Variants in PURG observed in about 807,000 individuals in gnomAD.
PURG encodes the protein purine rich element binding protein G.
In PURG, 3 loss-of-function variants were observed where a neutral mutation model predicts 24.3. The ratio of observed to expected loss-of-function variants is 0.12; its 90% confidence interval spans 0.06 to 0.32. The LOEUF (loss-of-function observed/expected upper bound fraction) is 0.32, where lower values mean the gene tolerates loss of function less well. Among genes scored for constraint, PURG ranks in the 10% least tolerant of loss-of-function variants. The probability of loss-of-function intolerance (pLI) is 1.00; values close to 1 mark genes in which losing one functional copy is unlikely to be tolerated. For missense variants in PURG, 371 were observed against 439.1 expected (o/e 0.84, Z 1.39); for synonymous variants, 180 against 173.1 (o/e 1.04, Z -0.31).
exon 2 of PURG, chr8:30,996,582 A>G (rs1290042325): frequency 1.9e-6 from 3 of 1,576,160 alleles, no homozygotes. Flanking sequence ...GTAACATAAG[A>G]GATTTATTCC....
downstream of PURG, among the ~76,000 whole-genome samples, chr8:31,026,105 T>G (rs1320846443): frequency 1.3e-5 from 2 of 151,996 alleles, no homozygotes; most frequent in African/African-American, 4.8e-5. Flanking sequence ...AATATACCTT[T>G]TTACTATAGT....
chr8:30,996,355 A>C (rs1810427465), exon 2 of PURG: 1 of 313,040 alleles, frequency 3.2e-6, no homozygotes, highest in South Asian at 8.4e-5. Context: ...TGAAAACGAA[A>C]GGCTTGATGA....
At chr8:31,027,621 G>A (rs1811114578), downstream of PURG, among the ~76,000 whole-genome samples, 2 of 151,550 alleles carry the variant, frequency 1.3e-5, no homozygotes, top group Non-Finnish European at 1.5e-5. Context: ...GAAAATATTT[G>A]CAAAATTACA....
chr8:30,996,224 G>C (rs1810425054), exon 2 of PURG: 1 of 164,224 alleles, frequency 6.1e-6, no homozygotes, highest in Admixed American at 5.8e-5. Context: ...AAGAGGCAGT[G>C]GGTTGAAATT....
intron 1 of PURG, among the ~76,000 whole-genome samples, chr8:31,020,105 A>T: frequency 6.6e-6 from 1 of 152,140 alleles, no homozygotes; most frequent in South Asian, 2.1e-4. Flanking sequence ...TGGGAGGCAG[A>T]GTTTGAAGAC....
At chr8:31,003,318 G>A (rs1810576384) in intron 1 of PURG, among the ~76,000 whole-genome samples, 2 of 152,128 alleles carry the variant, frequency 1.3e-5, no homozygotes. Flanking sequence ...TCAAGAACGG[G>A]AATAATCTGA....
At chr8:31,029,634 T>C (rs535623367), downstream of PURG, among the ~76,000 whole-genome samples, 12 of 151,844 alleles carry the variant, frequency 7.9e-5, no homozygotes, top group African/African-American at 2.7e-4. Context: ...AGAGAGTGTA[T>C]ACACTCATAG....
intron 1 of PURG, among the ~76,000 whole-genome samples, chr8:31,015,027 T>A (rs1456365046): frequency 2.6e-5 from 4 of 152,248 alleles, no homozygotes; most frequent in Non-Finnish European, 5.9e-5. Context: ...ATACAGGAGA[T>A]AAGCTTTATA....
chr8:31,015,068 C>T (rs181597113), intron 1 of PURG, among the ~76,000 whole-genome samples: 1 of 152,208 alleles, frequency 6.6e-6, no homozygotes, highest in Admixed American at 6.5e-5. Context: ...TAACTGTAAA[C>T]CCATTATGGA....
intron 1 of PURG, among the ~76,000 whole-genome samples, chr8:31,018,455 A>C (rs1366278867): frequency 2.0e-5 from 3 of 152,202 alleles, no homozygotes; most frequent in Admixed American, 2.0e-4. Context: ...GCAATCCTTA[A>C]AGTTTGCCCT....
At chr8:31,003,080 A>G (rs1256381670) in intron 1 of PURG, among the ~76,000 whole-genome samples, 1 of 152,184 alleles carries the variant, frequency 6.6e-6, no homozygotes, top group Non-Finnish European at 1.5e-5. Flanking sequence ...TGGTAATTCA[A>G]ATGTAACTGC....
At position 31,016,579 on chromosome 8, in the gene PURG, ACC is replaced by A. The variant is rs1450945431; in HGVS notation, c.864+15338_864+15339del. Reference sequence around the variant, plus strand: ...AAGAAAGAATGCAAGTCTACCAAGAACCAAAAAAAAAAAAAAAAAAAAAAAAA... The same window carrying A: ...AAGAAAGAATGCAAGTCTACCAAGAAAAAAAAAAAAAAAAAAAAAAAAAAA... On this transcript the variant is annotated intron_variant, in intron 1 of 1. Coordinates refer to the PURG transcript ENST00000339382. Among the ~76,000 whole-genome samples, 28 of 118,470 alleles carry A rather than the reference ACC, an allele frequency of 2.4e-4. 3 individuals are homozygous for A. The highest frequency in any genetic ancestry group is 3.8e-4 in the African/African-American group (12 of 31,932). The allele number at this position is 118,470 out of a possible 152,430, so 77.7% of individuals were successfully genotyped here.
At chr8:31,011,242 T>C (rs1187391384) in intron 1 of PURG, among the ~76,000 whole-genome samples, 1 of 152,244 alleles carries the variant, frequency 6.6e-6, no homozygotes, top group Non-Finnish European at 1.5e-5. Context: ...TAGCTACTCC[T>C]TGCTTTCCTC....
intron 1 of PURG, among the ~76,000 whole-genome samples, chr8:31,011,676 T>C (rs1810766840): frequency 6.6e-6 from 1 of 152,182 alleles, no homozygotes; most frequent in African/African-American, 2.4e-5. Context: ...AAAATGATAC[T>C]GTAATTAGGC....
chr8:31,003,568 C>A (rs947300861), intron 1 of PURG, among the ~76,000 whole-genome samples: 1 of 152,096 alleles, frequency 6.6e-6, no homozygotes, highest in African/African-American at 2.4e-5. Flanking sequence ...TTGAGACCAG[C>A]CTGGCCAACA....
chr8:31,008,386 C>T (rs1408769775), intron 1 of PURG, among the ~76,000 whole-genome samples: 1 of 152,196 alleles, frequency 6.6e-6, no homozygotes. Context: ...CCACTGCAAC[C>T]TCCGCCTCCT....
chr8:30,998,890 T>A (rs987611802), intron 1 of PURG, among the ~76,000 whole-genome samples: 6 of 151,782 alleles, frequency 4.0e-5, no homozygotes, highest in African/African-American at 1.4e-4. Flanking sequence ...CTAAGGTAAA[T>A]TTTTCAGGTA....
rs561510069 is a variant in PURG, at chr8:31,002,962, C to T, written c.865-6265G>A. On this transcript the variant is annotated intron_variant, in intron 1 of 1. Coordinates refer to the PURG transcript ENST00000339382. The stretch of plus-strand genomic sequence containing the variant: ...AGAGACTTCAATTCATACTTTTGAG[C>T]GATTGCTCAAAAGCACTTATCAATC... Among the ~76,000 whole-genome samples the T allele has an allele frequency of 6.4e-4, 98 of 152,272 alleles. 1 individual carries two copies. Among genetic ancestry groups the T allele is most frequent in the African/African-American group, 2.2e-3 (91 of 41,538 alleles).
intron 1 of PURG, among the ~76,000 whole-genome samples, chr8:31,022,578 A>G (rs1238106273): frequency 6.6e-6 from 1 of 152,220 alleles, no homozygotes; most frequent in Non-Finnish European, 1.5e-5. Context: ...AATAGGATGG[A>G]GTGGGTCCAT....
Sources: gnomAD v4.1 joint callset for allele counts (sites outside exome capture counted in the v4.1 genomes callset) on GRCh38, gnomAD v4.1.1 for gene constraint, MANE v1.5 for transcripts, NCBI Gene and HGNC (gene_info 2026-07-23, HGNC 2026-07-21) for gene names.